CEP112: variants seen among roughly 807,000 people sequenced by gnomAD.
The protein encoded by CEP112 is centrosomal protein of 112 kDa.
In CEP112, 127 loss-of-function variants were observed where a neutral mutation model predicts 153.0. That is an observed-to-expected ratio of 0.83 (90% CI 0.72 to 0.96). The LOEUF is 0.96. Among genes scored for constraint, CEP112 ranks in the 40% least tolerant of loss-of-function variants. The probability of loss-of-function intolerance (pLI) is 0.00; values close to 1 mark genes in which losing one functional copy is unlikely to be tolerated. For missense variants in CEP112, 1,089 were observed against 1,101.2 expected, an observed-to-expected ratio of 0.99 and a Z score of 0.16; for synonymous variants, 358 against 374.4, an observed-to-expected ratio of 0.96 and a Z score of 0.51.
chr17:66,001,968 G>A (rs983208310), intron 17 of CEP112, among the ~76,000 whole-genome samples: 2 of 152,034 alleles, frequency 1.3e-5, no homozygotes, highest in African/African-American at 4.8e-5. Context: ...AGTAAAAAAC[G>A]AAATAGGAAG....
chr17:65,929,503 A>G (rs192353207), intron 18 of CEP112, among the ~76,000 whole-genome samples: 42 of 152,274 alleles, frequency 2.8e-4, no homozygotes, highest in Non-Finnish European at 5.0e-4. Flanking sequence ...AGACCACTCA[A>G]TTTTAAATTG....
intron 6 of CEP112, among the ~76,000 whole-genome samples, chr17:66,098,976 T>G (rs567988264): frequency 1.3e-5 from 2 of 152,154 alleles, no homozygotes; most frequent in African/African-American, 4.8e-5. Context: ...CAAAGAAAAG[T>G]GGCCTACCTT....
intron 23 of CEP112, among the ~76,000 whole-genome samples, chr17:65,709,489 C>G (rs778391568): frequency 3.3e-5 from 5 of 152,078 alleles, no homozygotes; most frequent in Non-Finnish European, 5.9e-5. Context: ...ATGAAACCAT[C>G]GGATCTCGTG....
chr17:65,649,069 AACAAACACACACACACACACACAC>A lies in CEP112; in HGVS notation c.2698-8028_2698-8005del, dbSNP rs796888327. Among the ~76,000 whole-genome samples, 18 of 41,796 alleles carry A rather than the reference AACAAACACACACACACACACACAC, an allele frequency of 4.3e-4. No homozygotes were observed. The East Asian group carries it at 0.028, about 64-fold the overall frequency. 27.4% of individuals were successfully genotyped at this position (41,796 alleles called of 152,430 possible). On this transcript the variant is annotated intron_variant, in intron 24 of 26. Coordinates refer to ENST00000535342, the MANE Select transcript of CEP112 (RefSeq NM_001199165.4). ...CTGTCTCAAAACAAACAAACAAACAAACAAACACACACACACACACACACACACACACACACACACACACACACA... is the reference window on the plus strand; with the variant it reads ...CTGTCTCAAAACAAACAAACAAACAAACACACACACACACACACACACACA...
intron 4 of CEP112, among the ~76,000 whole-genome samples, chr17:66,159,445 T>C (rs986235302): frequency 5.9e-5 from 9 of 151,978 alleles, no homozygotes; most frequent in African/African-American, 2.2e-4. Flanking sequence ...GATGCAAAAA[T>C]CGTCAATAAA....
rs575947428 is a variant in CEP112, at chr17:65,917,320, TGATAA to T, written c.1980+10257_1980+10261del. ...CAAAAAAAGACTTTCAAAAAGAGTA[TGATAA>T]GGTAAGCAAGAATAAAAGAGAGTAA... is the stretch of plus-strand genomic sequence containing the variant. On this transcript the variant is annotated intron_variant, in intron 19 of 26. Coordinates refer to ENST00000535342, the MANE Select transcript of CEP112 (RefSeq NM_001199165.4). Among the ~76,000 whole-genome samples, 150 of 152,164 alleles carry T rather than the reference TGATAA, an allele frequency of 9.9e-4. 3 individuals are homozygous for T. In the Middle Eastern group the frequency reaches 0.014, roughly 14 times the overall value.
intron 20 of CEP112, among the ~76,000 whole-genome samples, chr17:65,880,151 G>T (rs2059009865): frequency 6.6e-6 from 1 of 152,072 alleles, no homozygotes; most frequent in Non-Finnish European, 1.5e-5. Context: ...AAATACAGTT[G>T]ATTTTGTATA....
intron 20 of CEP112, among the ~76,000 whole-genome samples, chr17:65,900,818 A>C: frequency 6.6e-6 from 1 of 152,138 alleles, no homozygotes; most frequent in Non-Finnish European, 1.5e-5. Flanking sequence ...TGGTGGCAAA[A>C]ATATAATACA....
At chr17:65,648,545 G>A (rs1158469646) in intron 24 of CEP112, among the ~76,000 whole-genome samples, 1 of 152,138 alleles carries the variant, frequency 6.6e-6, no homozygotes, top group Non-Finnish European at 1.5e-5. Flanking sequence ...TTCCAATCAA[G>A]TAGAACTGAA....
chr17:65,849,998 A>G (rs1297760295), intron 21 of CEP112, among the ~76,000 whole-genome samples: 2 of 151,982 alleles, frequency 1.3e-5, no homozygotes, highest in Non-Finnish European at 1.5e-5. Flanking sequence ...TACTAAAAAT[A>G]CAAAAATTAG....
intron 21 of CEP112, among the ~76,000 whole-genome samples, chr17:65,831,465 G>A (rs1367908965): frequency 1.3e-5 from 2 of 151,802 alleles, no homozygotes; most frequent in African/African-American, 4.8e-5. Context: ...GCTGAGGCAG[G>A]AGAATGGTCA....
chr17:65,910,767 G>A (rs536350883), intron 19 of CEP112, among the ~76,000 whole-genome samples: 5 of 152,270 alleles, frequency 3.3e-5, no homozygotes, highest in South Asian at 2.1e-4. Context: ...AACACAGACC[G>A]TGGTATCCGA....
At chr17:65,909,290 G>A (rs1431752147) in intron 19 of CEP112, among the ~76,000 whole-genome samples, 2 of 152,162 alleles carry the variant, frequency 1.3e-5, no homozygotes, top group East Asian at 1.9e-4. Context: ...GTGTAAAAAC[G>A]GGTTATAGCT....
intron 25 of CEP112, 152 bp downstream of exon 25, chr17:65,640,812 A>T: frequency 3.5e-6 from 2 of 568,066 alleles, no homozygotes; most frequent in East Asian, 5.8e-5. Flanking sequence ...TAAGAAAAAA[A>T]TTTAAAACAA....
At chr17:65,863,572 G>T (rs914259173) in intron 20 of CEP112, among the ~76,000 whole-genome samples, 4 of 148,818 alleles carry the variant, frequency 2.7e-5, no homozygotes, top group African/African-American at 7.4e-5. Flanking sequence ...TCGAGACCAC[G>T]GTGAAACCCC....
At chr17:66,129,850 A>C in intron 5 of CEP112, 27 bp from the exon 6 acceptor site, 7 of 1,408,092 alleles carry the variant, frequency 5.0e-6, no homozygotes, top group Non-Finnish European at 7.0e-6. Context: ...AAAAAGGAAG[A>C]GGAGAGGAAG....
intron 12 of CEP112, among the ~76,000 whole-genome samples, chr17:66,046,875 C>A (rs1233693675): frequency 3.9e-5 from 6 of 152,122 alleles, no homozygotes; most frequent in Admixed American, 6.5e-5. Context: ...CCCGCAGCCA[C>A]CAGAAGCTCC....
chr17:66,186,273 T>C (rs1716891913), intron 1 of CEP112, among the ~76,000 whole-genome samples: 1 of 152,074 alleles, frequency 6.6e-6, no homozygotes, highest in South Asian at 2.1e-4. Context: ...GAAACTAGCC[T>C]CTTGTCCTCT....
At chr17:65,876,174 G>C (rs1445872586) in intron 20 of CEP112, among the ~76,000 whole-genome samples, 1 of 152,144 alleles carries the variant, frequency 6.6e-6, no homozygotes, top group African/African-American at 2.4e-5. Flanking sequence ...TCCTGGACAA[G>C]ATCCACTGTT....
Sources: gnomAD v4.1 joint callset for allele counts (sites outside exome capture counted in the v4.1 genomes callset) on GRCh38, gnomAD v4.1.1 for gene constraint, MANE v1.5 for transcripts, NCBI Gene and HGNC (gene_info 2026-07-23, HGNC 2026-07-21) for gene names.